Variants in SORCS2 observed in about 807,000 individuals in gnomAD.
The protein encoded by SORCS2 is VPS10 domain-containing receptor SorCS2.
A neutral mutation model predicts 141.6 loss-of-function variants in SORCS2; 100 were observed. That is an observed-to-expected ratio of 0.71 (90% confidence interval 0.60 to 0.83). The LOEUF is 0.83. Ranked by LOEUF, SORCS2 falls within the 40% of genes least tolerant of loss-of-function variation. SORCS2 has a pLI of 0.00. For missense variants in SORCS2, 1,646 were observed against 1,560.2 expected (o/e 1.05, Z -0.93); for synonymous variants, 789 against 676.9 (o/e 1.17, Z -2.57).
At chr4:7,451,337 C>A (rs1391269831) in intron 2 of SORCS2, among the ~76,000 whole-genome samples, 2 of 152,256 alleles carry the variant, frequency 1.3e-5, no homozygotes, top group Non-Finnish European at 2.9e-5. Context: ...CACACCCCAG[C>A]TGGGAGCCCC....
intron 4 of SORCS2, among the ~76,000 whole-genome samples, chr4:7,642,815 C>A (rs1393359145): frequency 6.6e-6 from 1 of 152,184 alleles, no homozygotes; most frequent in African/African-American, 2.4e-5. Flanking sequence ...CCATACGACT[C>A]TTATGCTGAG....
At chr4:7,460,757 G>T (rs546839345) in intron 2 of SORCS2, among the ~76,000 whole-genome samples, 5 of 152,262 alleles carry the variant, frequency 3.3e-5, no homozygotes, top group African/African-American at 1.2e-4. Context: ...CTAATCCTGG[G>T]TGTCCCATGA....
chr4:7,644,540 G>A (rs748575247), intron 4 of SORCS2, among the ~76,000 whole-genome samples: 3 of 152,226 alleles, frequency 2.0e-5, no homozygotes, highest in Non-Finnish European at 2.9e-5. Context: ...GTGATGCTGG[G>A]CTGCAGCTTT....
Position 7,682,762 on chromosome 4 carries a change from T to A in SORCS2, c.1361T>A (p.Val454Asp). The change falls in exon 10 of 27, where the codon GTC becomes GAC. Residue 454 changes from valine (V) to aspartate (D), a missense_variant. Physicochemically the swap from Val to Asp is radical, Grantham distance 152 (BLOSUM62 -3). Transcript: ENST00000507866. ...DILEVRGVKG[V>D]FLANQKIDGK... Reference sequence around the variant, plus strand: ...TCCCAGGTCAGAGGGGTGAAAGGAGTCTTCCTGGCAAACCAAAAAATTGAT... The same window carrying A: ...TCCCAGGTCAGAGGGGTGAAAGGAGACTTCCTGGCAAACCAAAAAATTGAT... The A allele has an allele frequency of 1.2e-6, 2 of 1,610,936 alleles. No homozygotes were observed. The highest frequency in any genetic ancestry group is 1.7e-6 in the Non-Finnish European group (2 of 1,178,662).
intron 2 of SORCS2, 42 bp downstream of exon 2, chr4:7,396,397 G>C (rs756612038): frequency 3.1e-6 from 5 of 1,600,562 alleles, no homozygotes; most frequent in Non-Finnish European, 4.3e-6. Context: ...ATGCACCTGC[G>C]TGCCATCTTC....
At chr4:7,324,948 T>C (rs1283626402) in intron 1 of SORCS2, among the ~76,000 whole-genome samples, 1 of 152,224 alleles carries the variant, frequency 6.6e-6, no homozygotes, top group Non-Finnish European at 1.5e-5. Flanking sequence ...GATTTGACTC[T>C]GGCTCTGCTG....
rs1335038220 is a variant in SORCS2 at position 7,638,492 on chromosome 4, G to A, written c.813G>A (p.Lys271=). The A allele has an allele frequency of 1.2e-6, 2 of 1,609,694 alleles. No homozygotes were observed. Among genetic ancestry groups the A allele is most frequent in the Admixed American group, 1.7e-5 (1 of 59,554 alleles). Residue 271 remains lysine, a splice_region_variant and synonymous_variant, in exon 4 of 27, where the codon AAG becomes AAA. Transcript: ENST00000507866. Reference sequence around the variant, plus strand: ...TCCTCGCCTACACAAAGGAGAGCAAGGTAAGATATATGGGTGCCAGTCGCC... The same window carrying A: ...TCCTCGCCTACACAAAGGAGAGCAAAGTAAGATATATGGGTGCCAGTCGCC... The part of the protein sequence containing the change: ...DKVLAYTKES[K]LYVSSDLGKK...
chr4:7,441,578 G>T (rs1441692977), intron 2 of SORCS2, among the ~76,000 whole-genome samples: 1 of 151,902 alleles, frequency 6.6e-6, no homozygotes, highest in African/African-American at 2.4e-5. Context: ...AGCCAAGGAA[G>T]GGTAGAGCCT....
Position 7,661,540 on chromosome 4 carries a change from G to T in SORCS2, c.928G>T (p.Val310Leu), listed in dbSNP as rs761029055. The T allele has an allele frequency of 3.9e-6, 6 of 1,551,874 alleles. No individual in the cohort carries two copies. The highest frequency in any genetic ancestry group is 2.7e-5 in the African/African-American group (2 of 73,044). The change falls in exon 6 of 27, where the codon GTG becomes TTG. Residue 310 changes from valine to leucine, a missense_variant. Transcript: ENST00000507866. Reference sequence around the variant, plus strand: ...GGACGCTGACCCTGACTTGGTCCACGTGGAAGCCCAAGACCTCGGTGGAGG... The same window carrying T: ...GGACGCTGACCCTGACTTGGTCCACTTGGAAGCCCAAGACCTCGGTGGAGG... ...GVDADPDLVH[V>L]EAQDLGGDFR... is the part of the protein sequence containing the mutation.
At chr4:7,403,992 TATA>T (rs1307445843) in intron 2 of SORCS2, among the ~76,000 whole-genome samples, 8 of 6,886 alleles carry the variant, frequency 1.2e-3, no homozygotes, top group East Asian at 9.1e-3. Context: ...TATATATATA[TATA>T]TATTTTTTTT....
intron 2 of SORCS2, among the ~76,000 whole-genome samples, chr4:7,524,142 A>G (rs960416382): frequency 1.3e-5 from 2 of 152,196 alleles, no homozygotes; most frequent in Non-Finnish European, 2.9e-5. Flanking sequence ...CAGGAACCTC[A>G]GGGGTGACGC....
chr4:7,561,890 C>T lies in SORCS2; in HGVS notation c.648+30261C>T, dbSNP rs186833651. ...GTCTACTCATCCATTCATCCATCTA[C>T]CTATCCATCAATCTACTCATGCATC... On this transcript the variant is annotated intron_variant, in intron 3 of 26. Transcript: ENST00000507866. 9.9e-5 allele frequency among the ~76,000 whole-genome samples: 15 copies of T among 152,146 alleles called. No homozygotes were observed. The East Asian group carries it at 2.1e-3, about 22-fold the overall frequency.
rs531892912 is a variant in SORCS2 at position 7,346,379 on chromosome 4, G to A, written c.481-49909G>A. 2.6e-5 allele frequency among the ~76,000 whole-genome samples: 4 copies of A among 152,012 alleles called. No homozygotes were observed. The East Asian group carries it at 5.8e-4, about 22-fold the overall frequency. ...CTTTCTAATATTGATTTCCAATTTG[G>A]CTCCATTATGATCAGAGAACATACT... is the stretch of plus-strand genomic sequence containing the variant. On this transcript the variant is annotated intron_variant, in intron 1 of 26. Transcript: ENST00000507866.
intron 2 of SORCS2, among the ~76,000 whole-genome samples, chr4:7,404,437 C>T (rs907247137): frequency 4.6e-5 from 7 of 152,086 alleles, no homozygotes; most frequent in African/African-American, 1.2e-4. Context: ...AACTGTTTTC[C>T]GTAGAGTCTG....
intron 3 of SORCS2, among the ~76,000 whole-genome samples, chr4:7,608,595 T>C (rs564131275): frequency 6.6e-6 from 1 of 152,312 alleles, no homozygotes; most frequent in South Asian, 2.1e-4. Context: ...GTGTTCAAGA[T>C]GCTTGCCAGC....
At chr4:7,547,294 A>G (rs2109617051) in intron 3 of SORCS2, among the ~76,000 whole-genome samples, 1 of 152,242 alleles carries the variant, frequency 6.6e-6, no homozygotes, top group Non-Finnish European at 1.5e-5. Flanking sequence ...AGCTGACTCC[A>G]GCAGCCTCCC....
intron 1 of SORCS2, among the ~76,000 whole-genome samples, chr4:7,195,244 G>C (rs1418426494): frequency 6.6e-6 from 1 of 152,222 alleles, no homozygotes; most frequent in South Asian, 2.1e-4. Flanking sequence ...CTTCTCTTTA[G>C]TGAGGACAGC....
intron 1 of SORCS2, among the ~76,000 whole-genome samples, chr4:7,274,945 A>G (rs1577345867): frequency 6.6e-6 from 1 of 152,160 alleles, no homozygotes; most frequent in African/African-American, 2.4e-5. Context: ...CATGCCCACA[A>G]CACGCGCTCT....
chr4:7,547,561 G>A (rs35707377), intron 3 of SORCS2, among the ~76,000 whole-genome samples: 20,429 of 152,246 alleles, frequency 0.13, 1,376 homozygotes, highest in Non-Finnish European at 0.15. Context: ...CCCATGCTCC[G>A]ACACATCTGG....
Sources: allele counts gnomAD v4.1 joint callset (sites outside exome capture counted in the v4.1 genomes callset), GRCh38; gene constraint gnomAD v4.1.1; transcripts MANE v1.5; gene names NCBI Gene and HGNC (gene_info 2026-07-23, HGNC 2026-07-21).